Variants in PCLO observed in about 807,000 individuals in gnomAD.
The protein encoded by PCLO is piccolo presynaptic cytomatrix protein, also known as protein piccolo.
Under a neutral mutation model 427.5 loss-of-function variants are expected in PCLO, and 82 were observed. The ratio of observed to expected loss-of-function variants is 0.19; its 90% CI spans 0.16 to 0.23. PCLO has a LOEUF of 0.23. Ranked by LOEUF, PCLO falls within the 10% of genes least tolerant of loss-of-function variation. The probability of loss-of-function intolerance (pLI) is 1.00; values close to 1 mark genes in which losing one functional copy is unlikely to be tolerated. For missense variants in PCLO, 6,239 were observed against 6,115.9 expected, an observed-to-expected ratio of 1.02 and a Z score of -0.67; for synonymous variants, 2,357 against 2,155.4, an observed-to-expected ratio of 1.09 and a Z score of -2.59.
intron 3 of PCLO, among the ~76,000 whole-genome samples, chr7:82,985,790 TA>T (rs1172132506): frequency 6.6e-6 from 1 of 151,946 alleles, no homozygotes; most frequent in Non-Finnish European, 1.5e-5. Context: ...TTATTAAAAA[TA>T]TCTCACAGTA....
chr7:82,797,867 A>C (rs1466704845), intron 22 of PCLO, among the ~76,000 whole-genome samples: 1 of 152,172 alleles, frequency 6.6e-6, no homozygotes, highest in Admixed American at 6.5e-5. Flanking sequence ...GTAAAACATT[A>C]TTAGAGAAAA....
intron 6 of PCLO, among the ~76,000 whole-genome samples, chr7:82,919,972 GTGTGTACT>G (rs1562858868): frequency 6.6e-6 from 1 of 151,864 alleles, no homozygotes; most frequent in Non-Finnish European, 1.5e-5. Context: ...TGTGTGAGGG[GTGTGTACT>G]ATGTTTTAGG....
intron 10 of PCLO, among the ~76,000 whole-genome samples, chr7:82,852,234 T>A (rs1178555771): frequency 6.6e-6 from 1 of 152,186 alleles, no homozygotes; most frequent in South Asian, 2.1e-4. Flanking sequence ...CTATTTGTAA[T>A]GGTTAATATT....
chr7:82,945,627 G>A (rs1224005921), intron 6 of PCLO, among the ~76,000 whole-genome samples: 2 of 152,128 alleles, frequency 1.3e-5, no homozygotes, highest in African/African-American at 4.8e-5. Flanking sequence ...ACTGTTATGA[G>A]AGCGCTAGCA....
chr7:82,829,828 C>T (rs1024230647), intron 16 of PCLO, among the ~76,000 whole-genome samples: 3 of 151,618 alleles, frequency 2.0e-5, no homozygotes, highest in Non-Finnish European at 4.4e-5. Flanking sequence ...CAATAGTAAG[C>T]CAATAGAAGA....
intron 1 of PCLO, among the ~76,000 whole-genome samples, chr7:83,161,742 G>A (rs1002603108): frequency 6.6e-6 from 1 of 152,192 alleles, no homozygotes; most frequent in African/African-American, 2.4e-5. Context: ...CACCTGCTCT[G>A]CTGTGACCAA....
At chr7:82,995,358 G>C (rs1003482185) in intron 3 of PCLO, among the ~76,000 whole-genome samples, 1 of 151,938 alleles carries the variant, frequency 6.6e-6, no homozygotes, top group African/African-American at 2.4e-5. Context: ...CTTTTGCCAG[G>C]GTTGGTTAAC....
intron 3 of PCLO, among the ~76,000 whole-genome samples, chr7:83,047,942 G>A (rs538671563): frequency 1.4e-4 from 21 of 151,808 alleles, no homozygotes; most frequent in Non-Finnish European, 2.2e-4. Flanking sequence ...TTGTCTTAAC[G>A]AAACTCAGAA....
At chr7:83,124,119 GCTAACATGGTGAAACCCTGT>G (rs959734773) in intron 3 of PCLO, among the ~76,000 whole-genome samples, 5 of 151,570 alleles carry the variant, frequency 3.3e-5, no homozygotes, top group African/African-American at 4.9e-5. Flanking sequence ...GACCATCCTG[GCTAACATGGTGAAACCCTGT>G]CTCTACAAAA....
chr7:83,157,845 C>T (rs886799325), intron 1 of PCLO, among the ~76,000 whole-genome samples: 1 of 151,908 alleles, frequency 6.6e-6, no homozygotes, highest in African/African-American at 2.4e-5. Context: ...AACTTAGTAG[C>T]ACCTAAAATA....
At position 82,902,008 on chromosome 7, in the gene PCLO, G is replaced by A. The variant is rs750726897; in HGVS notation, c.13528+643C>T. ...GTAAACTAGTTCAACCATTGTGGAA[G>A]TCAGTGTGGCGATTCCTCAGGGATC... On this transcript the variant is annotated intron_variant, in intron 9 of 24. Transcript: ENST00000333891. Among the ~76,000 whole-genome samples the A allele has an allele frequency of 4.0e-3, 609 of 151,794 alleles. 2 individuals are homozygous for A. Among genetic ancestry groups the A allele is most frequent in the Non-Finnish European group, 6.5e-3 (441 of 67,938 alleles).
intron 16 of PCLO, among the ~76,000 whole-genome samples, chr7:82,830,393 C>CA (rs1413464531): frequency 1.3e-5 from 2 of 151,428 alleles, no homozygotes; most frequent in Admixed American, 6.6e-5. Context: ...TTAGTGTCTA[C>CA]AAAAAAGTGT....
intron 3 of PCLO, among the ~76,000 whole-genome samples, chr7:83,004,538 T>C (rs1390046464): frequency 6.6e-6 from 1 of 151,470 alleles, no homozygotes; most frequent in African/African-American, 2.4e-5. Context: ...GACTTAAACA[T>C]AAAGTGTGAA....
chr7:83,002,310 T>C (rs73161237), intron 3 of PCLO, among the ~76,000 whole-genome samples: 5,816 of 152,102 alleles, frequency 0.038, 178 homozygotes, highest in Non-Finnish European at 0.057. Flanking sequence ...GCTATAACTA[T>C]TTATGTCTTT....
At chr7:83,150,801 AAAC>A (rs898641009) in intron 2 of PCLO, among the ~76,000 whole-genome samples, 2 of 152,238 alleles carry the variant, frequency 1.3e-5, no homozygotes, top group African/African-American at 2.4e-5. Context: ...ACATGCATAT[AAAC>A]AACAAGCTGG....
intron 3 of PCLO, among the ~76,000 whole-genome samples, chr7:83,101,031 A>T (rs544025317): frequency 1.3e-5 from 2 of 152,128 alleles, no homozygotes; most frequent in East Asian, 3.9e-4. Flanking sequence ...AACATGAACA[A>T]ACATGGATTT....
chr7:82,803,259 T>C (rs1404453049), intron 21 of PCLO, among the ~76,000 whole-genome samples: 1 of 152,136 alleles, frequency 6.6e-6, no homozygotes, highest in East Asian at 1.9e-4. Context: ...CATACCTTGT[T>C]GCTGAGCCAA....
At chr7:82,855,274 T>C (rs934204202) in intron 10 of PCLO, among the ~76,000 whole-genome samples, 1 of 152,160 alleles carries the variant, frequency 6.6e-6, no homozygotes, top group Non-Finnish European at 1.5e-5. Context: ...TTTTAATCTG[T>C]TATACTATAT....
intron 14 of PCLO, among the ~76,000 whole-genome samples, chr7:82,840,613 G>A (rs1286699912): frequency 1.3e-5 from 2 of 151,878 alleles, no homozygotes; most frequent in Non-Finnish European, 2.9e-5. Flanking sequence ...ACCTTTAATT[G>A]TACTCTTTCT....
Sources: gnomAD v4.1 joint callset for allele counts (sites outside exome capture counted in the v4.1 genomes callset) on GRCh38, gnomAD v4.1.1 for gene constraint, MANE v1.5 for transcripts, NCBI Gene and HGNC (gene_info 2026-07-23, HGNC 2026-07-21) for gene names.